The following SKA2 variants were observed in gnomAD, a reference collection of about 807,000 sequenced individuals.
SKA2 encodes spindle and kinetochore-associated protein 2.
A neutral mutation model predicts 16.9 loss-of-function variants in SKA2; 13 were observed. That is an observed-to-expected ratio of 0.77 (90% CI 0.50 to 1.22). SKA2 has a LOEUF of 1.22. Ranked by LOEUF, SKA2 falls within the 50% of genes most tolerant of loss-of-function variation. The probability of loss-of-function intolerance (pLI) is 0.00; values close to 1 mark genes in which losing one functional copy is unlikely to be tolerated. For synonymous variants in SKA2, 47 were observed against 48.5 expected (o/e 0.97, Z 0.13); for missense variants, 107 against 139.7 (o/e 0.77, Z 1.18).
intron 1 of SKA2, among the ~76,000 whole-genome samples, chr17:59,135,086 C>T (rs1211542446): frequency 1.3e-5 from 2 of 151,868 alleles, no homozygotes; most frequent in Non-Finnish European, 2.9e-5. Context: ...CGGCCTGCCT[C>T]GGCCTCCCAA....
At chr17:59,115,980 T>C (rs1690906770) in intron 3 of SKA2, among the ~76,000 whole-genome samples, 1 of 152,206 alleles carries the variant, frequency 6.6e-6, no homozygotes, top group Non-Finnish European at 1.5e-5. Flanking sequence ...TTATTATATA[T>C]GTTTTGGGCG....
In SKA2 at chr17:59,155,078, G is replaced by T. The variant is rs547241095; in HGVS notation, c.33+53C>A. On this transcript the variant is annotated intron_variant, in intron 1 of 3. Transcript: ENST00000330137. ...ACTCCAAATTGTGCCCCACCTCCGA[G>T]GCCATGGGGGAAAAATAAACTACCC... The T allele has an allele frequency of 5.6e-6, 9 of 1,614,002 alleles. No homozygotes were observed. The East Asian group carries it at 6.7e-5, about 12-fold the overall frequency.
intron 3 of SKA2, among the ~76,000 whole-genome samples, chr17:59,117,039 T>C (rs2046301447): frequency 6.6e-6 from 1 of 151,864 alleles, no homozygotes; most frequent in Non-Finnish European, 1.5e-5. Flanking sequence ...ATGGTCTCGA[T>C]CTCCTGGCCT....
intron 2 of SKA2, among the ~76,000 whole-genome samples, chr17:59,123,264 AAG>A (rs1445666364): frequency 8.1e-6 from 1 of 124,114 alleles, no homozygotes; most frequent in South Asian, 2.7e-4. Context: ...TTTTTTTTTT[AAG>A]AGTTAGAATT....
chr17:59,127,536 G>C (rs2046379936), intron 2 of SKA2, among the ~76,000 whole-genome samples: 2 of 151,930 alleles, frequency 1.3e-5, no homozygotes, highest in African/African-American at 2.4e-5. Context: ...TTACAGGCTC[G>C]TGCCACCACG....
chr17:59,154,855 G>C, intron 1 of SKA2: 1 of 1,272,446 alleles, frequency 7.9e-7, no homozygotes, highest in Non-Finnish European at 1.1e-6. Flanking sequence ...GTTTCGTAAG[G>C]GGTGTAAAGG....
At chr17:59,154,857 G>T (rs533123424) in intron 1 of SKA2, 2 of 1,313,890 alleles carry the variant, frequency 1.5e-6, no homozygotes, top group Non-Finnish European at 2.1e-6. Flanking sequence ...TTCGTAAGGG[G>T]TGTAAAGGTG....
chr17:59,132,335 G>A (rs187561320), intron 1 of SKA2, among the ~76,000 whole-genome samples: 14 of 148,884 alleles, frequency 9.4e-5, no homozygotes, highest in African/African-American at 3.0e-4. Context: ...CAGCCTGGGC[G>A]ACAAGAATGA....
chr17:59,132,067 C>T (rs539298817), intron 1 of SKA2, among the ~76,000 whole-genome samples: 12 of 152,242 alleles, frequency 7.9e-5, no homozygotes, highest in African/African-American at 2.9e-4. Context: ...TTAAAAATAT[C>T]AGTATTGGCC....
rs1235005308 is a variant in SKA2, at chr17:59,110,753, C to CTT, written c.*1523_*1524insAA. On this transcript the variant is annotated 3_prime_UTR_variant, in exon 4 of 4. Transcript: ENST00000330137. ...GCAGTGAGCTGAGAGCGTACCACTG[C>CTT]ATTCCAGCCTGGGCAACAGAGTGAG... The CTT allele has an allele frequency of 3.2e-5, 4 of 124,254 alleles. No homozygotes were observed. Among genetic ancestry groups the CTT allele is most frequent in the Non-Finnish European group, 6.3e-5 (4 of 63,634 alleles). 7.7% of individuals were successfully genotyped at this position (124,254 alleles called of 1,614,324 possible).
intron 3 of SKA2, among the ~76,000 whole-genome samples, chr17:59,116,738 T>G (rs1211846549): frequency 1.3e-5 from 2 of 151,862 alleles, no homozygotes; most frequent in African/African-American, 4.8e-5. Flanking sequence ...CCAGATAATT[T>G]TAAAGCCCCT....
At chr17:59,152,299 C>A (rs1274675285) in intron 1 of SKA2, among the ~76,000 whole-genome samples, 7 of 152,088 alleles carry the variant, frequency 4.6e-5, no homozygotes, top group African/African-American at 1.7e-4. Flanking sequence ...TCACCAACCT[C>A]CCTTTAAACG....
chr17:59,120,537 T>G (rs370154428), intron 2 of SKA2, among the ~76,000 whole-genome samples: 1 of 152,172 alleles, frequency 6.6e-6, no homozygotes, highest in Non-Finnish European at 1.5e-5. Context: ...TGTGAGCCAC[T>G]GTATCCTGCC....
At chr17:59,114,392 T>C (rs1046145523) in intron 3 of SKA2, among the ~76,000 whole-genome samples, 2 of 152,164 alleles carry the variant, frequency 1.3e-5, no homozygotes, top group Admixed American at 6.5e-5. Flanking sequence ...CAAACAGGGA[T>C]TGTATATATA....
In SKA2 at chr17:59,119,512, G is replaced by C; in HGVS notation, c.121-17C>G. 6.2e-7 allele frequency: 1 copy of C among 1,607,410 alleles called. No individual in the cohort carries two copies. The highest frequency in any genetic ancestry group is 8.5e-7 in the Non-Finnish European group (1 of 1,174,924). On this transcript the variant is annotated splice_polypyrimidine_tract_variant and intron_variant, in intron 2 of 3. Transcript: ENST00000330137. ...TGGATTTTTCTATGTCAGGAAAAAAGTGAACATGTATTAAATTATGAAAGA... is the reference window on the plus strand; with the variant it reads ...TGGATTTTTCTATGTCAGGAAAAAACTGAACATGTATTAAATTATGAAAGA...
At chr17:59,144,532 T>C (rs2046517287) in intron 1 of SKA2, among the ~76,000 whole-genome samples, 1 of 152,132 alleles carries the variant, frequency 6.6e-6, no homozygotes, top group Non-Finnish European at 1.5e-5. Context: ...GAGGGATGAA[T>C]GGATAAGTAA....
chr17:59,138,235 C>T (rs2046461057), intron 1 of SKA2, among the ~76,000 whole-genome samples: 2 of 151,870 alleles, frequency 1.3e-5, no homozygotes, highest in Admixed American at 1.3e-4. Context: ...CATGAAAGCA[C>T]CCCAAGGGAA....
At chr17:59,132,640 G>A (rs756826969) in intron 1 of SKA2, among the ~76,000 whole-genome samples, 1 of 152,172 alleles carries the variant, frequency 6.6e-6, no homozygotes, top group Non-Finnish European at 1.5e-5. Flanking sequence ...TCCTGCCTGG[G>A]TAACAGAGCA....
chr17:59,121,214 A>G (rs965632781), intron 2 of SKA2, among the ~76,000 whole-genome samples: 3 of 152,060 alleles, frequency 2.0e-5, no homozygotes, highest in African/African-American at 7.2e-5. Flanking sequence ...AACATTCAGC[A>G]TCTCAAAAAG....
Sources: gnomAD v4.1 joint callset for allele counts (sites outside exome capture counted in the v4.1 genomes callset) on GRCh38, gnomAD v4.1.1 for gene constraint, MANE v1.5 for transcripts, NCBI Gene and HGNC (gene_info 2026-07-23, HGNC 2026-07-21) for gene names.